Variants in CHKA observed in about 807,000 individuals in gnomAD.
CHKA encodes CHETK-alpha.
Under a neutral mutation model 60.1 loss-of-function variants are expected in CHKA, and 34 were observed. The ratio of observed to expected loss-of-function variants is 0.57; its 90% CI spans 0.43 to 0.75. The LOEUF (loss-of-function observed/expected upper bound fraction) is 0.75, where lower values mean the gene tolerates loss of function less well. CHKA is among the 30% of genes least tolerant of loss of function. CHKA has a pLI of 0.00. For missense variants in CHKA, 563 were observed against 561.3 expected, an observed-to-expected ratio of 1.00 and a Z score of -0.03; for synonymous variants, 217 against 223.1, an observed-to-expected ratio of 0.97 and a Z score of 0.24.
At chr11:68,102,980 A>T (rs77526572) in intron 1 of CHKA, among the ~76,000 whole-genome samples, 75,301 of 150,966 alleles carry the variant, frequency 0.5, 20,237 homozygotes, top group Middle Eastern at 0.7. Flanking sequence ...TTTAAAAAAA[A>T]AAAAATATAT....
intron 11 of CHKA, among the ~76,000 whole-genome samples, chr11:68,055,687 C>T (rs1855988490): frequency 6.6e-6 from 1 of 152,134 alleles, no homozygotes; most frequent in African/African-American, 2.4e-5. Flanking sequence ...TTATACAAAA[C>T]ACATGAAAAG....
intron 2 of CHKA, among the ~76,000 whole-genome samples, chr11:68,087,074 C>A (rs1420172347): frequency 6.6e-6 from 1 of 152,156 alleles, no homozygotes; most frequent in Admixed American, 6.5e-5. Context: ...ACATGAGCTG[C>A]TGTGAGACAG....
chr11:68,109,994 A>C (rs1474830679), intron 1 of CHKA, among the ~76,000 whole-genome samples: 1 of 152,132 alleles, frequency 6.6e-6, no homozygotes, highest in Admixed American at 6.6e-5. Flanking sequence ...ATAATCTATC[A>C]CATCAACAGG....
At chr11:68,055,899 T>A (rs1027381565) in intron 11 of CHKA, among the ~76,000 whole-genome samples, 6 of 149,716 alleles carry the variant, frequency 4.0e-5, no homozygotes, top group African/African-American at 1.5e-4. Flanking sequence ...AAAAAAAAAA[T>A]TAGCCAGGCA....
chr11:68,116,861 A>G (rs1236238897), intron 1 of CHKA, among the ~76,000 whole-genome samples: 1 of 152,224 alleles, frequency 6.6e-6, no homozygotes, highest in African/African-American at 2.4e-5. Context: ...CTCTCATGTT[A>G]GGACAATTTT....
chr11:68,109,420 G>A (rs1858051490), intron 1 of CHKA, among the ~76,000 whole-genome samples: 1 of 152,070 alleles, frequency 6.6e-6, no homozygotes, highest in Admixed American at 6.6e-5. Context: ...AGAACATTCT[G>A]TTCTTAACAA....
chr11:68,060,947 C>T (rs923511181), intron 11 of CHKA, among the ~76,000 whole-genome samples: 5 of 152,122 alleles, frequency 3.3e-5, no homozygotes, highest in African/African-American at 1.2e-4. Flanking sequence ...CTAGTCCCAT[C>T]CCTGTCCCAA....
rs1031922462 is a variant in CHKA, at chr11:68,062,076, A to G, written c.1233-42T>C. 3.0e-6 allele frequency: 4 copies of G among 1,324,198 alleles called. No homozygotes were observed. In the Admixed American group the frequency reaches 6.3e-5, roughly 21 times the overall value. The allele number at this position is 1,324,198 out of a possible 1,614,324, so 82.0% of individuals were successfully genotyped here. On this transcript the variant is annotated intron_variant, in intron 10 of 11. Transcript: ENST00000265689. Reference sequence around the variant, plus strand: ...AAGAAACATATAAGAGACATACAGTATCAGTTACAGGACTGATGAAATGAT... The same window carrying G: ...AAGAAACATATAAGAGACATACAGTGTCAGTTACAGGACTGATGAAATGAT...
chr11:68,104,335 G>A (rs1243779567), intron 1 of CHKA, among the ~76,000 whole-genome samples: 1 of 152,112 alleles, frequency 6.6e-6, no homozygotes, highest in Non-Finnish European at 1.5e-5. Context: ...GGGGAGGGGA[G>A]ACAGGGAGAG....
At chr11:68,071,925 C>T (rs1429029887) in intron 4 of CHKA, among the ~76,000 whole-genome samples, 1 of 152,184 alleles carries the variant, frequency 6.6e-6, no homozygotes, top group Non-Finnish European at 1.5e-5. Context: ...TTCTATTCAA[C>T]TCCCTCCAGA....
At chr11:68,074,298 G>A (rs1332723671) in intron 4 of CHKA, among the ~76,000 whole-genome samples, 1 of 152,150 alleles carries the variant, frequency 6.6e-6, no homozygotes, top group Non-Finnish European at 1.5e-5. Flanking sequence ...CAGTAGGAAT[G>A]CACAAAACAA....
At chr11:68,113,418 T>A (rs188066316) in intron 1 of CHKA, among the ~76,000 whole-genome samples, 1 of 152,042 alleles carries the variant, frequency 6.6e-6, no homozygotes, top group African/African-American at 2.4e-5. Flanking sequence ...GATACCTGAC[T>A]GGGCGCGGTG....
In CHKA at chr11:68,054,019, T is replaced by A; in HGVS notation, c.1343A>T (p.Tyr448Phe). 1.2e-6 allele frequency: 2 copies of A among 1,613,644 alleles called. No individual in the cohort carries two copies. The highest frequency in any genetic ancestry group is 2.2e-5 in the East Asian group (1 of 44,884). ...CCCAAGCTTCCTCTTCTGGTGGAAATAGGCATCAAACCTTGCTTGGGCGTA... is the reference window on the plus strand; with the variant it reads ...CCCAAGCTTCCTCTTCTGGTGGAAAAAGGCATCAAACCTTGCTTGGGCGTA... The part of the protein sequence containing the change: ...MDYAQARFDA[Y>F]FHQKRKLGV The change falls in exon 12 of 12, where the codon TAT (tyrosine) becomes TTT (phenylalanine). Residue 448 changes from tyrosine (Y) to phenylalanine (F), a missense_variant. By Grantham distance (22) the Tyr-to-Phe change is conservative (BLOSUM62 3). Transcript: ENST00000265689.
At chr11:68,105,969 C>T (rs1857901377) in intron 1 of CHKA, among the ~76,000 whole-genome samples, 1 of 152,102 alleles carries the variant, frequency 6.6e-6, no homozygotes, top group Non-Finnish European at 1.5e-5. Context: ...ACGACATAAC[C>T]AGTGTCTCAA....
chr11:68,061,636 C>A, intron 11 of CHKA: 1 of 456,424 alleles, frequency 2.2e-6, no homozygotes, highest in Non-Finnish European at 4.4e-6. Flanking sequence ...CAGAGCTGGA[C>A]TTCGAGGGTG....
chr11:68,101,828 C>T (rs145908602), intron 1 of CHKA, among the ~76,000 whole-genome samples: 80 of 152,150 alleles, frequency 5.3e-4, no homozygotes, highest in African/African-American at 1.9e-3. Flanking sequence ...TGGCCAAGCG[C>T]GTGGCTGACG....
intron 3 of CHKA, among the ~76,000 whole-genome samples, chr11:68,079,754 G>C (rs960764774): frequency 6.6e-6 from 1 of 152,214 alleles, no homozygotes; most frequent in Admixed American, 6.5e-5. Context: ...TTCATGGCGA[G>C]TTTGAGGGGC....
At chr11:68,114,444 T>C (rs920857007) in intron 1 of CHKA, among the ~76,000 whole-genome samples, 2 of 152,110 alleles carry the variant, frequency 1.3e-5, no homozygotes, top group South Asian at 2.1e-4. Flanking sequence ...ACCCCTGTAA[T>C]TCCAACACCT....
At position 68,070,804 on chromosome 11, in the gene CHKA, G is replaced by A. The variant is rs374838678; in HGVS notation, c.684C>T (p.Ile228=). The change falls in exon 5 of 12, where the codon ATC becomes ATT. Residue 228 remains isoleucine (I), a synonymous_variant. Transcript: ENST00000265689. ...ELSLPDISAE[I]AEKMATFHGM... ...CATGAAATGTAGCCATTTTCTCGGC[G>A]ATTTCTGCAGAAATATCTGGCAAAC... 10 of 1,612,662 alleles carry A rather than the reference G, an allele frequency of 6.2e-6. No individual in the cohort carries two copies. In the Admixed American group the frequency reaches 8.3e-5, roughly 13 times the overall value.
Sources: allele counts gnomAD v4.1 joint callset (sites outside exome capture counted in the v4.1 genomes callset), GRCh38; gene constraint gnomAD v4.1.1; transcripts MANE v1.5; gene names NCBI Gene and HGNC (gene_info 2026-07-23, HGNC 2026-07-21).